The following RBFOX1 variants were observed in gnomAD, a reference collection of about 807,000 sequenced individuals.
RBFOX1 encodes RNA binding fox-1 homolog 1.
In RBFOX1, 8 loss-of-function variants were observed where a neutral mutation model predicts 57.7. The observed-to-expected ratio is 0.14, with a 90% confidence interval of 0.08 to 0.25. RBFOX1 has a LOEUF of 0.25. Among genes scored for constraint, RBFOX1 ranks in the 10% least tolerant of loss-of-function variants. The pLI is 1.00. For missense variants in RBFOX1, 611 were observed against 548.5 expected (o/e 1.11, Z -1.14); for synonymous variants, 326 against 222.4 (o/e 1.47, Z -4.15).
chr16:7,463,841 A>G (rs1483830467), intron 4 of RBFOX1, among the ~76,000 whole-genome samples: 1 of 152,216 alleles, frequency 6.6e-6, no homozygotes, highest in Non-Finnish European at 1.5e-5. Flanking sequence ...AGCCACTGAG[A>G]TAGATACTTC....
chr16:6,156,047 A>C (rs1185775384), intron 1 of RBFOX1, among the ~76,000 whole-genome samples: 1 of 152,198 alleles, frequency 6.6e-6, no homozygotes, highest in Non-Finnish European at 1.5e-5. Flanking sequence ...AAAAATGAGG[A>C]GATCTGCCTG....
intron 2 of RBFOX1, among the ~76,000 whole-genome samples, chr16:6,651,519 A>G (rs1244387755): frequency 6.6e-6 from 1 of 152,140 alleles, no homozygotes; most frequent in African/African-American, 2.4e-5. Flanking sequence ...AAGTCAGATC[A>G]TGCCTGTCCT....
chr16:5,591,940 T>A (rs2047021945), intron 2 of RBFOX1, among the ~76,000 whole-genome samples: 1 of 152,254 alleles, frequency 6.6e-6, no homozygotes, highest in African/African-American at 2.4e-5. Flanking sequence ...GGCCAATGTA[T>A]AATTTCACTG....
chr16:7,135,302 C>T (rs894596968), intron 4 of RBFOX1, among the ~76,000 whole-genome samples: 1 of 152,152 alleles, frequency 6.6e-6, no homozygotes, highest in African/African-American at 2.4e-5. Context: ...CTTAGAGAGA[C>T]TCCACATTAT....
At chr16:6,089,436 C>A (rs1286557581) in intron 1 of RBFOX1, among the ~76,000 whole-genome samples, 1 of 152,086 alleles carries the variant, frequency 6.6e-6, no homozygotes, top group Non-Finnish European at 1.5e-5. Context: ...TCGGCATATA[C>A]ACAGAGGGCC....
intron 2 of RBFOX1, among the ~76,000 whole-genome samples, chr16:6,496,096 G>C (rs1286464029): frequency 6.6e-6 from 1 of 152,208 alleles, no homozygotes; most frequent in African/African-American, 2.4e-5. Context: ...AGAAAGATAT[G>C]TGCTACTCTG....
intron 2 of RBFOX1, among the ~76,000 whole-genome samples, chr16:5,569,559 G>A (rs1247581627): frequency 4.8e-5 from 7 of 146,754 alleles, no homozygotes; most frequent in Non-Finnish European, 8.9e-5. Flanking sequence ...AGATCTATGC[G>A]GTGGATACAT....
chr16:6,390,934 A>C (rs1379722472), intron 2 of RBFOX1, among the ~76,000 whole-genome samples: 1 of 152,156 alleles, frequency 6.6e-6, no homozygotes, highest in Non-Finnish European at 1.5e-5. Flanking sequence ...TCTCAACCTC[A>C]GCACTACTGA....
At chr16:6,153,865 G>A (rs781268010) in intron 1 of RBFOX1, among the ~76,000 whole-genome samples, 1 of 152,144 alleles carries the variant, frequency 6.6e-6, no homozygotes, top group East Asian at 1.9e-4. Flanking sequence ...TCGCATTCTT[G>A]TAGCTTAGCT....
chr16:6,535,264 C>G (rs1019982223), intron 2 of RBFOX1, among the ~76,000 whole-genome samples: 7 of 152,142 alleles, frequency 4.6e-5, no homozygotes, highest in African/African-American at 1.2e-4. Flanking sequence ...AGAGCTCTGT[C>G]TAAAGTTACA....
chr16:6,626,668 G>C (rs2154052592), intron 2 of RBFOX1, among the ~76,000 whole-genome samples: 1 of 152,210 alleles, frequency 6.6e-6, no homozygotes, highest in South Asian at 2.1e-4. Flanking sequence ...GCTGAGGCAG[G>C]AGAATTGCTT....
chr16:6,105,934 A>C (rs1256430823), intron 1 of RBFOX1, among the ~76,000 whole-genome samples: 2 of 152,030 alleles, frequency 1.3e-5, no homozygotes, highest in East Asian at 3.9e-4. Context: ...TAGTAACCCA[A>C]CATTTTTGGA....
chr16:6,646,045 T>G (rs2098531797), intron 2 of RBFOX1, among the ~76,000 whole-genome samples: 1 of 151,954 alleles, frequency 6.6e-6, no homozygotes, highest in Non-Finnish European at 1.5e-5. Context: ...CTGCCTTCTG[T>G]CGGGAAATTG....
chr16:7,094,773 T>TGGGG (rs1555466461), intron 4 of RBFOX1, among the ~76,000 whole-genome samples: 13 of 140,920 alleles, frequency 9.2e-5, no homozygotes, highest in Non-Finnish European at 2.1e-4. Context: ...TGTGTGTGTG[T>TGGGG]GTGGGTGTGT....
At chr16:7,332,893 G>A (rs1038642289) in intron 4 of RBFOX1, 2 of 1,571,802 alleles carry the variant, frequency 1.3e-6, no homozygotes, top group African/African-American at 2.7e-5. Context: ...CTGACAGAAG[G>A]GATTTGGCTC....
rs1016956517 is a variant in RBFOX1 at position 6,868,112 on chromosome 16, C to G, written c.-15-183945C>G. The stretch of plus-strand genomic sequence containing the variant: ...AATATGTGAAATTTTGATCAAAGTA[C>G]CTGATAAATAGTAAATACTCATTTG... On this transcript the variant is annotated intron_variant, in intron 3 of 15. Coordinates refer to ENST00000550418, the MANE Select transcript of RBFOX1 (RefSeq NM_018723.4). Among the ~76,000 whole-genome samples the G allele has an allele frequency of 5.3e-5, 8 of 152,176 alleles. No homozygotes were observed. In the South Asian group the frequency reaches 1.0e-3, roughly 20 times the overall value.
intron 2 of RBFOX1, among the ~76,000 whole-genome samples, chr16:5,494,591 C>T (rs751597101): frequency 1.8e-4 from 27 of 152,184 alleles, no homozygotes; most frequent in Non-Finnish European, 2.9e-4. Context: ...CCCTCTCCCA[C>T]GAGGTCTTCT....
intron 2 of RBFOX1, among the ~76,000 whole-genome samples, chr16:6,571,165 T>C (rs11860531): frequency 0.034 from 5,161 of 152,210 alleles, 291 homozygotes; most frequent in African/African-American, 0.12. Context: ...CGTAATTTGT[T>C]TTGACAACTA....
intron 4 of RBFOX1, among the ~76,000 whole-genome samples, chr16:7,112,960 C>T (rs1262935149): frequency 3.3e-5 from 5 of 152,122 alleles, no homozygotes; most frequent in Non-Finnish European, 7.3e-5. Context: ...TGCTGGCACC[C>T]TCTGTAAGGC....
Sources: allele counts gnomAD v4.1 joint callset (sites outside exome capture counted in the v4.1 genomes callset), GRCh38; gene constraint gnomAD v4.1.1; transcripts MANE v1.5; gene names NCBI Gene and HGNC (gene_info 2026-07-23, HGNC 2026-07-21).